DCC: variants seen among roughly 807,000 people sequenced by gnomAD.
The protein encoded by DCC is DCC netrin 1 receptor.
DCC carries 58 observed loss-of-function variants against 172.5 expected under a neutral mutation model. That is an observed-to-expected ratio of 0.34 (90% CI 0.27 to 0.42). The LOEUF is 0.42. Among genes scored for constraint, DCC ranks in the 10% least tolerant of loss-of-function variants. The pLI, the probability that DCC is intolerant of heterozygous loss-of-function variation, is 1.00. For synonymous variants in DCC, 709 were observed against 644.5 expected, an observed-to-expected ratio of 1.10 and a Z score of -1.52; for missense variants, 1,740 against 1,791.0, an observed-to-expected ratio of 0.97 and a Z score of 0.51.
At chr18:53,175,765 C>G (rs1394822972) in intron 8 of DCC, among the ~76,000 whole-genome samples, 4 of 151,862 alleles carry the variant, frequency 2.6e-5, no homozygotes, top group South Asian at 4.2e-4. Flanking sequence ...AGGTAATTTA[C>G]AGATTCAATG....
chr18:52,756,291 T>C (rs1290173425), intron 2 of DCC, among the ~76,000 whole-genome samples: 2 of 152,180 alleles, frequency 1.3e-5, no homozygotes, highest in Non-Finnish European at 1.5e-5. Context: ...TACCATCCCC[T>C]CTACTGTGTA....
At chr18:53,448,046 AG>A (rs1168957751) in intron 22 of DCC, among the ~76,000 whole-genome samples, 1 of 106,762 alleles carries the variant, frequency 9.4e-6, no homozygotes, top group Non-Finnish European at 1.9e-5. Flanking sequence ...AATTTTGATG[AG>A]TTTTTTTTTT....
intron 1 of DCC, among the ~76,000 whole-genome samples, chr18:52,742,741 C>CTAAA (rs757221272): frequency 0.035 from 5,340 of 152,174 alleles, 133 homozygotes; most frequent in Admixed American, 0.048. Flanking sequence ...AGCAATTTTC[C>CTAAA]AAGTAGAAGT....
Position 53,384,783 on chromosome 18 carries a change from A to G in DCC, c.2360-1260A>G, listed in dbSNP as rs981937429. 4.6e-5 allele frequency among the ~76,000 whole-genome samples: 7 copies of G among 151,646 alleles called. No homozygotes were observed. The East Asian group carries it at 1.4e-3, about 29-fold the overall frequency. The stretch of plus-strand genomic sequence containing the variant: ...TTATCCATTTTCTGTACTTTTCTAT[A>G]GGAATGATATTCTCCTATTTTATTT... On this transcript the variant is annotated intron_variant, in intron 15 of 28. Transcript: ENST00000442544.
intron 12 of DCC, among the ~76,000 whole-genome samples, chr18:53,270,470 A>G (rs951698409): frequency 1.3e-5 from 2 of 152,182 alleles, no homozygotes; most frequent in East Asian, 1.9e-4. Flanking sequence ...TAAGATTTTA[A>G]TCCTAGAGTT....
intron 5 of DCC, among the ~76,000 whole-genome samples, chr18:53,045,499 C>T (rs1037023256): frequency 1.3e-5 from 2 of 151,776 alleles, no homozygotes; most frequent in African/African-American, 4.8e-5. Flanking sequence ...CAAAGGTGGC[C>T]ATCTATAGCT....
At chr18:53,079,569 G>A (rs998059871) in intron 7 of DCC, among the ~76,000 whole-genome samples, 1 of 152,130 alleles carries the variant, frequency 6.6e-6, no homozygotes. Context: ...GGATGCTTAA[G>A]CCCTTAGTCT....
At chr18:53,244,121 T>G (rs1451125681) in intron 12 of DCC, among the ~76,000 whole-genome samples, 1 of 152,198 alleles carries the variant, frequency 6.6e-6, no homozygotes, top group African/African-American at 2.4e-5. Context: ...TCACTTTCTC[T>G]TGTCACACTG....
chr18:53,023,565 CT>C (rs1282780908), intron 5 of DCC, among the ~76,000 whole-genome samples: 1 of 151,956 alleles, frequency 6.6e-6, no homozygotes, highest in Non-Finnish European at 1.5e-5. Context: ...CATGGACCCC[CT>C]GAACCTAAAA....
chr18:53,012,942 A>C (rs546206746), intron 5 of DCC, among the ~76,000 whole-genome samples: 4 of 152,330 alleles, frequency 2.6e-5, no homozygotes, highest in Non-Finnish European at 4.4e-5. Context: ...TCAAAAGAAG[A>C]CATCTGCAGC....
At chr18:53,483,392 T>C (rs2045861111) in intron 25 of DCC, among the ~76,000 whole-genome samples, 2 of 151,920 alleles carry the variant, frequency 1.3e-5, no homozygotes, top group South Asian at 4.1e-4. Context: ...AAATATTTTG[T>C]TACACATTAA....
At chr18:53,242,964 A>G (rs1181979000) in intron 12 of DCC, among the ~76,000 whole-genome samples, 3 of 152,026 alleles carry the variant, frequency 2.0e-5, no homozygotes, top group Non-Finnish European at 4.4e-5. Context: ...GCTCATTTTG[A>G]GATATGGCAG....
In DCC at chr18:52,857,449, A is replaced by C. The variant is rs192740393; in HGVS notation, c.413-48595A>C. 6.6e-5 allele frequency among the ~76,000 whole-genome samples: 10 copies of C among 152,294 alleles called. No individual in the cohort carries two copies. In the East Asian group the frequency reaches 1.2e-3, roughly 18 times the overall value. On this transcript the variant is annotated intron_variant, in intron 2 of 28. Transcript: ENST00000442544. ...AAAATATGATGCATATTTTCTTTCT[A>C]ATTTAATTTCTAACCATTAAGATTC...
chr18:53,025,118 A>T (rs1395387475), intron 5 of DCC, among the ~76,000 whole-genome samples: 2 of 152,142 alleles, frequency 1.3e-5, no homozygotes, highest in African/African-American at 4.8e-5. Flanking sequence ...TTGCCCTTAA[A>T]TCTGGTTAAA....
At chr18:53,082,155 C>T (rs2042816380) in intron 7 of DCC, among the ~76,000 whole-genome samples, 1 of 152,044 alleles carries the variant, frequency 6.6e-6, no homozygotes, top group African/African-American at 2.4e-5. Flanking sequence ...TACCCTCGTC[C>T]TTATCAATTT....
At chr18:52,712,360 A>G (rs1376817298) in intron 1 of DCC, among the ~76,000 whole-genome samples, 1 of 152,206 alleles carries the variant, frequency 6.6e-6, no homozygotes, top group Non-Finnish European at 1.5e-5. Context: ...ATATTATTTG[A>G]CTTTTACTTG....
At chr18:53,185,410 C>T (rs1327970658) in intron 9 of DCC, among the ~76,000 whole-genome samples, 1 of 152,120 alleles carries the variant, frequency 6.6e-6, no homozygotes, top group Non-Finnish European at 1.5e-5. Context: ...TCTAGAACTA[C>T]AGTTTCCAGT....
At chr18:53,206,374 CATATATGTATATATGT>C (rs1312366275) in intron 10 of DCC, among the ~76,000 whole-genome samples, 20 of 36,736 alleles carry the variant, frequency 5.4e-4, no homozygotes, top group African/African-American at 1.7e-3. Context: ...TATTGTAACA[CATATATGTATATATGT>C]ATATATACAT....
chr18:53,224,279 A>G (rs1000443100), intron 12 of DCC, among the ~76,000 whole-genome samples: 1 of 152,164 alleles, frequency 6.6e-6, no homozygotes, highest in African/African-American at 2.4e-5. Flanking sequence ...TCAGAGTAAC[A>G]TATTTCAAGT....
Sources: gnomAD v4.1 joint callset for allele counts (sites outside exome capture counted in the v4.1 genomes callset) on GRCh38, gnomAD v4.1.1 for gene constraint, MANE v1.5 for transcripts, NCBI Gene and HGNC (gene_info 2026-07-23, HGNC 2026-07-21) for gene names.